GRIK5: variants seen among roughly 807,000 people sequenced by gnomAD.
GRIK5 encodes the protein glutamate ionotropic receptor kainate type subunit 5.
In GRIK5, 43 loss-of-function variants were observed where a neutral mutation model predicts 97.4. The observed-to-expected ratio is 0.44, with a 90% CI of 0.35 to 0.57. The LOEUF is 0.57. GRIK5 is among the 20% of genes least tolerant of loss of function. The probability of loss-of-function intolerance (pLI) is 0.01; values close to 1 mark genes in which losing one functional copy is unlikely to be tolerated. For synonymous variants in GRIK5, 580 were observed against 583.5 expected (o/e 0.99, Z 0.09); for missense variants, 1,015 against 1,382.0 (o/e 0.73, Z 4.21).
chr19:42,053,900 G>C lies in GRIK5; in HGVS notation c.1086C>G (p.Val362=), dbSNP rs781423522. ...MVEYDGLTGR[V]EFNSKGQRTN... The stretch of plus-strand genomic sequence containing the variant: ...TTCTCTGCCCTTTGCTGTTGAACTC[G>C]ACCCGCCCGGTCAGCCCATCATACT... Residue 362 remains valine (V), a synonymous_variant, in exon 10 of 20, where the codon GTC becomes GTG. Coordinates refer to ENST00000593562, the MANE Select transcript of GRIK5 (RefSeq NM_002088.5). The C allele has an allele frequency of 9.3e-6, 15 of 1,613,688 alleles. No homozygotes were observed. The highest frequency in any genetic ancestry group is 1.3e-5 in the Non-Finnish European group (15 of 1,179,792).
In GRIK5 at chr19:42,062,587, T is replaced by C. The variant is rs1212686221; in HGVS notation, c.409A>G (p.Ser137Gly). Residue 137 changes from serine (S) to glycine (G), a missense_variant, in exon 5 of 20, where the codon AGC (serine) becomes GGC (glycine). Coordinates refer to ENST00000593562, the MANE Select transcript of GRIK5 (RefSeq NM_002088.5). This position sits in a 1 kb window ranked among gnomAD's most constrained non-coding sequence, Gnocchi z 5.3. Reference sequence around the variant, plus strand: ...ACGTCCTCGTTACTGGGGTACAGGCTGACAGACGCGAAGCGAAGGTACTGA... The same window carrying C: ...ACGTCCTCGTTACTGGGGTACAGGCCGACAGACGCGAAGCGAAGGTACTGA... The part of the protein sequence containing the change: ...RLQYLRFASV[S>G]LYPSNEDVSL... 20 of 1,614,050 alleles carry C rather than the reference T, an allele frequency of 1.2e-5. No individual in the cohort carries two copies. Among genetic ancestry groups the C allele is most frequent in the Non-Finnish European group, 1.5e-5 (18 of 1,180,012 alleles).
rs1392857438 is a variant in GRIK5 at position 41,999,340 on chromosome 19, C to A, written c.2515-41G>T. 23 of 1,426,850 alleles carry A rather than the reference C, an allele frequency of 1.6e-5. No individual in the cohort carries two copies. The highest frequency in any genetic ancestry group is 2.4e-5 in the Admixed American group (1 of 42,400). The allele number at this position is 1,426,850 out of a possible 1,614,324, so 88.4% of individuals were successfully genotyped here. A position where few individuals can be genotyped will look rare whatever the true frequency, so the allele number is the denominator to read the frequency against. On this transcript the variant is annotated intron_variant, in intron 19 of 19. Transcript: ENST00000593562. This position sits in a 1 kb window ranked among gnomAD's most constrained non-coding sequence, Gnocchi z 5.0. The stretch of plus-strand genomic sequence containing the variant: ...GCGGTCACCGTCCCGGCGCAGTCCG[C>A]CTCCCGCCTCCCCCAGCCCCTCTCC...
At position 42,069,697 on chromosome 19, in the gene GRIK5, G is replaced by C. The variant is rs1291191094; in HGVS notation, c.-507C>G. 6.7e-6 allele frequency among the ~76,000 whole-genome samples: 1 copy of C among 149,930 alleles called. No individual in the cohort carries two copies. Among genetic ancestry groups the C allele is most frequent in the Non-Finnish European group, 1.5e-5 (1 of 67,098 alleles). On this transcript the variant is annotated 5_prime_UTR_variant, in exon 1 of 20. Coordinates refer to ENST00000593562, the MANE Select transcript of GRIK5 (RefSeq NM_002088.5). Reference sequence around the variant, plus strand: ...AGGACTGGGTGGAGAAAAGGAAGCCGGCCATCAGGAGAAGTGGGGGAGGGG... The same window carrying C: ...AGGACTGGGTGGAGAAAAGGAAGCCCGCCATCAGGAGAAGTGGGGGAGGGG...
chr19:42,025,778 T>C (rs878918872), intron 12 of GRIK5, among the ~76,000 whole-genome samples: 1 of 152,152 alleles, frequency 6.6e-6, no homozygotes, highest in Non-Finnish European at 1.5e-5. Context: ...GCCCCAGAGA[T>C]ACCAACATAT....
intron 12 of GRIK5, among the ~76,000 whole-genome samples, chr19:42,026,764 C>T (rs771955586): frequency 4.6e-5 from 7 of 151,022 alleles, no homozygotes; most frequent in South Asian, 2.1e-4. Context: ...GAAGGGGTTT[C>T]GCCATGTTGC....
chr19:42,041,170 T>A (rs912076740), intron 12 of GRIK5, among the ~76,000 whole-genome samples: 1 of 152,232 alleles, frequency 6.6e-6, no homozygotes, highest in African/African-American at 2.4e-5. Flanking sequence ...CTCTCATGTC[T>A]TCCCTCGTGA....
chr19:42,069,739 G>A lies in GRIK5; in HGVS notation c.-549C>T, dbSNP rs1231742503. Among the ~76,000 whole-genome samples, 1 of 151,460 alleles carries A rather than the reference G, an allele frequency of 6.6e-6. No individual in the cohort carries two copies. The highest frequency in any genetic ancestry group is 1.5e-5 in the Non-Finnish European group (1 of 67,738). ...GGGGAGGGGAGGGCCTGCTGGGGGA[G>A]GGGGCCGCCCCCTTTCCCCCTCCCC... On this transcript the variant is annotated 5_prime_UTR_variant, in exon 1 of 20. Coordinates refer to ENST00000593562, the MANE Select transcript of GRIK5 (RefSeq NM_002088.5).
chr19:41,999,127 C>T lies in GRIK5; in HGVS notation c.2687G>A (p.Gly896Asp), dbSNP rs1194644639. 3 of 1,432,582 alleles carry T rather than the reference C, an allele frequency of 2.1e-6. No homozygotes were observed. The Admixed American group carries it at 8.5e-5, about 41-fold the overall frequency. 88.7% of individuals were successfully genotyped at this position (1,432,582 alleles called of 1,614,324 possible). The change falls in exon 20 of 20, where the codon GGC becomes GAC. Residue 896 changes from glycine (G) to aspartate (D), a missense_variant. By Grantham distance (94) the Gly-to-Asp change is moderately conservative. Around this residue, in one of 5 missense-constraint regions of GRIK5, gnomAD observed 229 missense variants for 341.0 expected, o/e 0.67. Coordinates refer to ENST00000593562, the MANE Select transcript of GRIK5 (RefSeq NM_002088.5). This position sits in a 1 kb window ranked among gnomAD's most constrained non-coding sequence, Gnocchi z 5.0. ...CCCGTGCGCGCTGCCCGCATCCCCG[C>T]CCGCGCCGGCCGAGTAGAGCTTGCC... is the stretch of plus-strand genomic sequence containing the variant. ...SNGKLYSAGA[G>D]GDAGSAHGGP...
chr19:42,050,703 G>A (rs1323432498), intron 11 of GRIK5, among the ~76,000 whole-genome samples: 1 of 151,816 alleles, frequency 6.6e-6, no homozygotes, highest in African/African-American at 2.4e-5. Context: ...GCAACGTGGT[G>A]CAAAAGACAG....
At chr19:42,056,568 G>T (rs577508466) in intron 8 of GRIK5, 94 bp downstream of exon 8, 27 of 1,082,034 alleles carry the variant, frequency 2.5e-5, no homozygotes, top group African/African-American at 4.7e-5. Context: ...AGGGCGAGAG[G>T]GTTCTGAGCA....
chr19:42,025,830 G>A (rs773745781), intron 12 of GRIK5, among the ~76,000 whole-genome samples: 36 of 152,156 alleles, frequency 2.4e-4, no homozygotes, highest in African/African-American at 4.1e-4. Flanking sequence ...ATTCTGCAAC[G>A]GGCTGGGCAC....
intron 6 of GRIK5, among the ~76,000 whole-genome samples, chr19:42,058,107 C>T (rs2076211018): frequency 6.6e-6 from 1 of 152,206 alleles, no homozygotes; most frequent in Non-Finnish European, 1.5e-5. Context: ...TTAAGCCATC[C>T]TGTCTCAAGA....
At chr19:42,012,260 A>G (rs1298377861) in intron 15 of GRIK5, among the ~76,000 whole-genome samples, 2 of 151,882 alleles carry the variant, frequency 1.3e-5, no homozygotes, top group African/African-American at 4.8e-5. Context: ...GTATGTATTT[A>G]TTTATTTGGA....
rs766599631 is a variant in GRIK5 at position 42,042,033 on chromosome 19, G to A, written c.1473+519C>T. 3.3e-5 allele frequency among the ~76,000 whole-genome samples: 5 copies of A among 152,168 alleles called. No homozygotes were observed. Among genetic ancestry groups the A allele is most frequent in the Non-Finnish European group, 5.9e-5 (4 of 68,028 alleles). ...CACAGTGGGATCCCATGCCCAGCAA[G>A]AGGCAAGGCACATAGTAGGTACTCA... On this transcript the variant is annotated intron_variant, in intron 12 of 19. Transcript: ENST00000593562. The surrounding 1 kb of genome is among the most constrained non-coding windows in gnomAD (Gnocchi z 6.9).
At chr19:42,024,863 A>G (rs1194452914) in intron 12 of GRIK5, among the ~76,000 whole-genome samples, 1 of 152,106 alleles carries the variant, frequency 6.6e-6, no homozygotes, top group African/African-American at 2.4e-5. Context: ...GAAGCCATTC[A>G]TGGACCCCCA....
rs747358547 is a variant in GRIK5, at chr19:42,021,348, C to T, written c.1824G>A (p.Ser608=). The change falls in exon 15 of 20, where the codon TCG becomes TCA. Residue 608 remains serine (S), a synonymous_variant. Transcript: ENST00000593562. This position sits in a 1 kb window ranked among gnomAD's most constrained non-coding sequence, Gnocchi z 4.2. ...FPVGGFMQQG[S]EIMPRALSTR... Reference sequence around the variant, plus strand: ...TGGACAGCGCCCGGGGCATGATCTCCGAGCCCTGCTGCATGAAGCCCCCCA... The same window carrying T: ...TGGACAGCGCCCGGGGCATGATCTCTGAGCCCTGCTGCATGAAGCCCCCCA... 4.3e-6 allele frequency: 7 copies of T among 1,613,492 alleles called. No individual in the cohort carries two copies. Among genetic ancestry groups the T allele is most frequent in the South Asian group, 3.3e-5 (3 of 91,016 alleles).
At chr19:42,018,106 G>A (rs1014876785) in intron 15 of GRIK5, among the ~76,000 whole-genome samples, 3 of 130,840 alleles carry the variant, frequency 2.3e-5, no homozygotes, top group Non-Finnish European at 4.7e-5. Context: ...GAAGTCAGGA[G>A]ATCGAGACCA....
Position 41,999,892 on chromosome 19 carries a change from G to A in GRIK5, c.2515-593C>T, listed in dbSNP as rs2075410862. 6.6e-6 allele frequency among the ~76,000 whole-genome samples: 1 copy of A among 152,226 alleles called. No homozygotes were observed. ...GGTAGGGAGTGACGATGAATTCTGA[G>A]ACAGGACAGTCAAGGAAGACCTCAC... On this transcript the variant is annotated intron_variant, in intron 19 of 19. Transcript: ENST00000593562. This position sits in a 1 kb window ranked among gnomAD's most constrained non-coding sequence, Gnocchi z 5.0.
intron 8 of GRIK5, 141 bp downstream of exon 8, chr19:42,056,521 C>G (rs931096074): frequency 6.0e-6 from 4 of 668,360 alleles, no homozygotes; most frequent in Non-Finnish European, 7.8e-6. Flanking sequence ...GGACATGGGT[C>G]CAATGCATCA....
Sources: gnomAD v4.1 joint callset for allele counts (sites outside exome capture counted in the v4.1 genomes callset) on GRCh38, gnomAD v4.1.1 for gene constraint, gnomAD v4.1.1 regional missense constraint, Gnocchi (gnomAD v3.1) non-coding constraint, MANE v1.5 for transcripts, NCBI Gene and HGNC (gene_info 2026-07-23, HGNC 2026-07-21) for gene names.